TPO: variants seen among roughly 807,000 people sequenced by gnomAD.
TPO encodes the protein thyroid peroxidase.
TPO carries 78 observed loss-of-function variants against 96.9 expected under a neutral mutation model. The observed-to-expected ratio is 0.81, with a 90% CI of 0.67 to 0.97. The LOEUF (loss-of-function observed/expected upper bound fraction) is 0.97. Among genes scored for constraint, TPO ranks in the 50% least tolerant of loss-of-function variants. The probability of loss-of-function intolerance (pLI) is 0.00; values close to 1 mark genes in which losing one functional copy is unlikely to be tolerated. For missense variants in TPO, 1,252 were observed against 1,274.8 expected (o/e 0.98, Z 0.27); for synonymous variants, 547 against 538.0 (o/e 1.02, Z -0.23).
At chr2:1,382,954 C>G (rs1481993220) in intron 1 of TPO, among the ~76,000 whole-genome samples, 1 of 147,778 alleles carries the variant, frequency 6.8e-6, no homozygotes, top group African/African-American at 2.5e-5. Flanking sequence ...TCAATCCCAC[C>G]TATGAGTGAG....
chr2:1,416,733 T>C (rs1663002598), intron 2 of TPO, among the ~76,000 whole-genome samples: 1 of 152,272 alleles, frequency 6.6e-6, no homozygotes, highest in Non-Finnish European at 1.5e-5. Context: ...ACAGTATTTC[T>C]ATTTTACAGC....
chr2:1,501,734 G>C (rs1256350177), intron 13 of TPO, among the ~76,000 whole-genome samples: 6 of 152,146 alleles, frequency 3.9e-5, no homozygotes, highest in Admixed American at 6.5e-5. Context: ...GCTTCTGCCA[G>C]GCATGGGCCC....
At chr2:1,443,278 G>A (rs1321976211) in intron 5 of TPO, among the ~76,000 whole-genome samples, 2 of 152,094 alleles carry the variant, frequency 1.3e-5, no homozygotes, top group Non-Finnish European at 2.9e-5. Context: ...GCTGCAGGAG[G>A]CACCGTGTTG....
At chr2:1,465,950 T>C (rs1025636241) in intron 7 of TPO, among the ~76,000 whole-genome samples, 2 of 152,098 alleles carry the variant, frequency 1.3e-5, no homozygotes, top group African/African-American at 2.4e-5. Flanking sequence ...GTGGTGAGAG[T>C]AGGCATCCTT....
intron 3 of TPO, among the ~76,000 whole-genome samples, chr2:1,426,540 T>G (rs1664422928): frequency 6.6e-6 from 1 of 152,196 alleles, no homozygotes; most frequent in Non-Finnish European, 1.5e-5. Context: ...TTGTTCTAGA[T>G]GCCGGGATAC....
chr2:1,406,869 T>C (rs1011616372), intron 1 of TPO, among the ~76,000 whole-genome samples: 6 of 152,224 alleles, frequency 3.9e-5, no homozygotes, highest in South Asian at 2.1e-4. Flanking sequence ...AAGTACTTGT[T>C]TGGACCAGAT....
chr2:1,479,651 TA>T, intron 8 of TPO, among the ~76,000 whole-genome samples: 1 of 152,330 alleles, frequency 6.6e-6, no homozygotes, highest in Non-Finnish European at 1.5e-5. Flanking sequence ...CATTGTAGAT[TA>T]GAGACAGTTT....
chr2:1,418,927 C>T (rs114901449), intron 2 of TPO, among the ~76,000 whole-genome samples: 1,601 of 152,254 alleles, frequency 0.011, 34 homozygotes, highest in African/African-American at 0.036. Context: ...AGGAATCAAG[C>T]GCTTAGAATT....
Position 1,391,958 on chromosome 2 carries a change from C to T in TPO, n.180+17556C>T, listed in dbSNP as rs191132246. ...TTTAAATATACAATCATGTCATCTGCGAACAGGGACAATTTGACTTCCTCT... is the reference window on the plus strand; with the variant it reads ...TTTAAATATACAATCATGTCATCTGTGAACAGGGACAATTTGACTTCCTCT... On this transcript the variant is annotated intron_variant and non_coding_transcript_variant, in intron 1 of 5. Coordinates refer to the TPO transcript ENST00000497517. Among the ~76,000 whole-genome samples the T allele has an allele frequency of 3.3e-4, 50 of 152,250 alleles. 1 individual carries two copies. Among genetic ancestry groups the T allele is most frequent in the East Asian group, 1.5e-3 (8 of 5,182 alleles).
intron 3 of TPO, among the ~76,000 whole-genome samples, chr2:1,430,645 G>T (rs2148478630): frequency 6.6e-6 from 1 of 152,374 alleles, no homozygotes; most frequent in Middle Eastern, 3.4e-3. Flanking sequence ...GCAGCCAGGT[G>T]GGCTGTGTTC....
intron 14 of TPO, among the ~76,000 whole-genome samples, chr2:1,515,323 C>G (rs1425551772): frequency 6.6e-6 from 1 of 152,190 alleles, no homozygotes; most frequent in Non-Finnish European, 1.5e-5. Flanking sequence ...CAGCTCTGCT[C>G]CCCATGGGCT....
chr2:1,463,983 G>A (rs949321445), intron 7 of TPO, among the ~76,000 whole-genome samples: 1 of 151,850 alleles, frequency 6.6e-6, no homozygotes, highest in Non-Finnish European at 1.5e-5. Context: ...GTGAGATTTC[G>A]GTGCACCCAT....
At chr2:1,520,514 C>T (rs900769121) in intron 15 of TPO, among the ~76,000 whole-genome samples, 16 of 152,136 alleles carry the variant, frequency 1.1e-4, no homozygotes, top group African/African-American at 3.9e-4. Flanking sequence ...CTACTCTCCT[C>T]GTTTTCTACC....
chr2:1,439,182 G>A, intron 5 of TPO: 1 of 267,098 alleles, frequency 3.7e-6, no homozygotes, highest in Admixed American at 4.8e-5. Flanking sequence ...CAGCTGCTGG[G>A]CGGGCTCCAC....
chr2:1,517,255 C>T (rs1411159322), intron 15 of TPO, among the ~76,000 whole-genome samples: 1 of 152,186 alleles, frequency 6.6e-6, no homozygotes, highest in Non-Finnish European at 1.5e-5. Context: ...ACTTTTCTAA[C>T]ACTAAATGAT....
At chr2:1,397,023 G>C (rs1662091978) in intron 1 of TPO, among the ~76,000 whole-genome samples, 1 of 152,058 alleles carries the variant, frequency 6.6e-6, no homozygotes, top group Non-Finnish European at 1.5e-5. Context: ...ATCCGTTCCA[G>C]ACCCTGTACT....
chr2:1,532,849 C>T (rs1467276167), intron 15 of TPO, among the ~76,000 whole-genome samples: 2 of 81,370 alleles, frequency 2.5e-5, no homozygotes, highest in African/African-American at 6.7e-5. Context: ...CCCCAAATCC[C>T]CCCCACTCTG....
At chr2:1,507,611 G>GT (rs888959066) in intron 14 of TPO, among the ~76,000 whole-genome samples, 4 of 152,182 alleles carry the variant, frequency 2.6e-5, no homozygotes, top group Middle Eastern at 3.4e-3. Context: ...TCCCTTGTAA[G>GT]TTGGATTCCT....
chr2:1,495,031 A>T (rs1672189000), intron 11 of TPO, among the ~76,000 whole-genome samples: 1 of 152,152 alleles, frequency 6.6e-6, no homozygotes, highest in Non-Finnish European at 1.5e-5. Context: ...CTCGCTCAGA[A>T]GGGGGAAGAT....
Sources: allele counts gnomAD v4.1 joint callset (sites outside exome capture counted in the v4.1 genomes callset), GRCh38; gene constraint gnomAD v4.1.1; transcripts MANE v1.5; gene names NCBI Gene and HGNC (gene_info 2026-07-23, HGNC 2026-07-21).